SALL3: variants seen among roughly 807,000 people sequenced by gnomAD.
SALL3 encodes spalt like transcription factor 3.
A neutral mutation model predicts 66.2 loss-of-function variants in SALL3; 25 were observed. That is an observed-to-expected ratio of 0.38 (90% confidence interval 0.28 to 0.53). The LOEUF (loss-of-function observed/expected upper bound fraction) is 0.53. Ranked by LOEUF, SALL3 falls within the 20% of genes least tolerant of loss-of-function variation. SALL3 has a pLI of 0.85. For missense variants in SALL3, 2,194 were observed against 1,916.5 expected, an observed-to-expected ratio of 1.14 and a Z score of -2.70; for synonymous variants, 1,152 against 899.1, an observed-to-expected ratio of 1.28 and a Z score of -5.03.
At chr18:78,991,913 T>A in intron 1 of SALL3, 161 bp from the exon 2 acceptor site, 1 of 508,574 alleles carries the variant, frequency 2.0e-6, no homozygotes, top group Non-Finnish European at 3.3e-6. Context: ...AGAAAATGAT[T>A]AGCTAGCTAG....
intron 1 of SALL3, among the ~76,000 whole-genome samples, chr18:78,984,097 C>T (rs1168633076): frequency 1.3e-5 from 2 of 152,166 alleles, no homozygotes; most frequent in Non-Finnish European, 2.9e-5. Flanking sequence ...GGAGTAACAG[C>T]AGGAATTACT....
chr18:78,989,665 A>G (rs1035020743), intron 1 of SALL3, among the ~76,000 whole-genome samples: 18 of 152,238 alleles, frequency 1.2e-4, no homozygotes, highest in Non-Finnish European at 2.6e-4. Context: ...TGTGTAGCAT[A>G]TAAGTTATAC....
rs1914648463 is a variant in SALL3 at position 78,995,223 on chromosome 18, C to A, written c.3232C>A (p.Pro1078Thr). 1 of 1,605,988 alleles carries A rather than the reference C, an allele frequency of 6.2e-7. No individual in the cohort carries two copies. Among genetic ancestry groups the A allele is most frequent in the African/African-American group, 1.3e-5 (1 of 74,904 alleles). ...CAAGGCCATGGCGCTGGGCGAGGGT[C>A]CCCCGCTGCCCGCGGGCGTCCAGGT... ...HGKAMALGEGPPLPAGVQVPA... is the reference protein window; with the variant it reads ...HGKAMALGEGTPLPAGVQVPA... Residue 1078 changes from proline to threonine, a missense_variant, in exon 2 of 3, where the codon CCC becomes ACC. Pro to Thr is a conservative substitution (Grantham distance 38, BLOSUM62 -1). Transcript: ENST00000537592.
At position 78,994,667 on chromosome 18, in the gene SALL3, C is replaced by T; in HGVS notation, c.2676C>T (p.Gly892=). The change falls in exon 2 of 3, where the codon GGC becomes GGT. Residue 892 remains glycine, a synonymous_variant. Transcript: ENST00000537592. ...GCGACCTGGAGAGCCGCAGCGCGGG[C>T]AGCCCCGCCCTGTCCGAGTCCTCGT... ...AVGDLESRSA[G]SPALSESSSS... is the part of the protein sequence containing the mutation. 1.2e-6 allele frequency: 2 copies of T among 1,608,378 alleles called. No homozygotes were observed. The highest frequency in any genetic ancestry group is 1.7e-6 in the Non-Finnish European group (2 of 1,178,846).
chr18:78,993,496 C>T lies in SALL3; in HGVS notation c.1505C>T (p.Ser502Leu), dbSNP rs1467391382. The T allele has an allele frequency of 6.2e-7, 1 of 1,606,928 alleles. No homozygotes were observed. Among genetic ancestry groups the T allele is most frequent in the Middle Eastern group, 1.7e-4 (1 of 6,012 alleles). The change falls in exon 2 of 3, where the codon TCG (serine) becomes TTG (leucine). Residue 502 changes from serine (S) to leucine (L), a missense_variant. Coordinates refer to ENST00000537592, the MANE Select transcript of SALL3 (RefSeq NM_171999.4). ...TGCTCGGGCATCCCCTACGGCATGT[C>T]GCTGCCCCCCGAGAAGCCCGTGACC... Reference protein sequence around the residue: ...PTCSGIPYGMSLPPEKPVTTW... With the variant: ...PTCSGIPYGMLLPPEKPVTTW...
chr18:78,993,149 T>C lies in SALL3; in HGVS notation c.1158T>C (p.Ala386=). 1 of 1,606,524 alleles carries C rather than the reference T, an allele frequency of 6.2e-7. No individual in the cohort carries two copies. The highest frequency in any genetic ancestry group is 2.2e-5 in the East Asian group (1 of 44,562). Residue 386 remains alanine (A), a synonymous_variant, in exon 2 of 3, where the codon GCT becomes GCC. Transcript: ENST00000537592. The part of the protein sequence containing the change: ...PLVSIAATAN[A]LDPLSALMKH... The stretch of plus-strand genomic sequence containing the variant: ...TCAGCATCGCGGCCACGGCCAACGC[T>C]CTGGACCCGCTGTCCGCGCTCATGA...
rs142934608 is a variant in SALL3 at position 78,994,593 on chromosome 18, G to T, written c.2602G>T (p.Gly868Trp). 6.5e-5 allele frequency: 105 copies of T among 1,609,580 alleles called. No individual in the cohort carries two copies. The highest frequency in any genetic ancestry group is 8.0e-5 in the Non-Finnish European group (94 of 1,177,752). The part of the protein sequence containing the change: ...QLTGLKSVEN[G>W]SGESDRLSND... The stretch of plus-strand genomic sequence containing the variant: ...GACCGGCCTCAAGTCCGTGGAGAAC[G>T]GGTCCGGGGAGAGTGACCGCCTGAG... Residue 868 changes from glycine (G) to tryptophan (W), a missense_variant, in exon 2 of 3, where the codon GGG becomes TGG. By Grantham distance (184) the Gly-to-Trp change is radical. Transcript: ENST00000537592.
chr18:78,981,889 C>G (rs1377783576), intron 1 of SALL3, among the ~76,000 whole-genome samples: 5 of 152,156 alleles, frequency 3.3e-5, no homozygotes, highest in South Asian at 2.1e-4. Flanking sequence ...GAAAGACAGT[C>G]TTTCCTTCAA....
chr18:78,989,221 T>C (rs2146211841), intron 1 of SALL3, among the ~76,000 whole-genome samples: 1 of 152,226 alleles, frequency 6.6e-6, no homozygotes, highest in East Asian at 1.9e-4. Flanking sequence ...ATGGGAAAAG[T>C]GAAATCACAT....
intron 1 of SALL3, among the ~76,000 whole-genome samples, chr18:78,987,684 G>A (rs1365516502): frequency 6.6e-6 from 1 of 152,232 alleles, no homozygotes; most frequent in Non-Finnish European, 1.5e-5. Flanking sequence ...TTGTGGCAGA[G>A]CAGGTCCTGA....
Position 78,993,039 on chromosome 18 carries a change from T to C in SALL3, c.1048T>C (p.Ser350Pro). Residue 350 changes from serine to proline, a missense_variant, in exon 2 of 3, where the codon TCC becomes CCC. Physicochemically the swap from Ser to Pro is moderately conservative, Grantham distance 74. Coordinates refer to ENST00000537592, the MANE Select transcript of SALL3 (RefSeq NM_171999.4). The stretch of plus-strand genomic sequence containing the variant: ...CACGCCGCCTGCCCTGGCCCCGGGG[T>C]CCCTGCTGGGTGCGGCGCCCGGCCT... ...ASTPPALAPGSLLGAAPGLPS... is the reference protein window; with the variant it reads ...ASTPPALAPGPLLGAAPGLPS... 6.3e-7 allele frequency: 1 copy of C among 1,576,926 alleles called. No individual in the cohort carries two copies. Among genetic ancestry groups the C allele is most frequent in the Non-Finnish European group, 8.6e-7 (1 of 1,168,758 alleles).
chr18:78,983,001 A>G (rs1416617097), intron 1 of SALL3, among the ~76,000 whole-genome samples: 1 of 152,242 alleles, frequency 6.6e-6, no homozygotes, highest in Non-Finnish European at 1.5e-5. Flanking sequence ...TTTTGAAGCA[A>G]TGAAAAGATT....
At chr18:78,986,908 C>T (rs2146210182) in intron 1 of SALL3, among the ~76,000 whole-genome samples, 1 of 152,196 alleles carries the variant, frequency 6.6e-6, no homozygotes, top group South Asian at 2.1e-4. Context: ...CTTGAAATGC[C>T]AAGAACTGTA....
Position 78,993,419 on chromosome 18 carries a change from C to T in SALL3, c.1428C>T (p.His476=). ...HFQRHKEKYP[H]IQMNPYPVPE... ...AGAGGCACAAGGAGAAGTACCCCCA[C>T]ATCCAGATGAACCCTTACCCGGTCC... Residue 476 remains histidine (H), a synonymous_variant, in exon 2 of 3, where the codon CAC becomes CAT. Coordinates refer to ENST00000537592, the MANE Select transcript of SALL3 (RefSeq NM_171999.4). 2 of 1,613,020 alleles carry T rather than the reference C, an allele frequency of 1.2e-6. No homozygotes were observed. The highest frequency in any genetic ancestry group is 1.7e-6 in the Non-Finnish European group (2 of 1,179,972).
At chr18:78,980,382 C>CG (rs897530008) in intron 1 of SALL3, 26 bp downstream of exon 1, 8 of 1,368,790 alleles carry the variant, frequency 5.8e-6, no homozygotes, top group South Asian at 3.0e-5. Flanking sequence ...GCGGGGTGGC[C>CG]GGGGGGTCTG....
chr18:78,988,552 T>C (rs532742843), intron 1 of SALL3, among the ~76,000 whole-genome samples: 1 of 152,232 alleles, frequency 6.6e-6, no homozygotes, highest in African/African-American at 2.4e-5. Flanking sequence ...GTCAAGTGCT[T>C]ACTATTGTTT....
chr18:78,993,218 C>T lies in SALL3; in HGVS notation c.1227C>T (p.Pro409=). Residue 409 remains proline, a synonymous_variant, in exon 2 of 3, where the codon CCC becomes CCT. Coordinates refer to ENST00000537592, the MANE Select transcript of SALL3 (RefSeq NM_171999.4). ...GKPPNVSVFE[P]KASAEDPFFK... is the part of the protein sequence containing the mutation. ...CGCCCAATGTGTCGGTGTTCGAGCCCAAAGCCAGCGCCGAGGACCCGTTCT... is the reference window on the plus strand; with the variant it reads ...CGCCCAATGTGTCGGTGTTCGAGCCTAAAGCCAGCGCCGAGGACCCGTTCT... 9 of 1,611,380 alleles carry T rather than the reference C, an allele frequency of 5.6e-6. No individual in the cohort carries two copies. Among genetic ancestry groups the T allele is most frequent in the East Asian group, 2.2e-5 (1 of 44,820 alleles).
At chr18:78,980,381 C>A in intron 1 of SALL3, 25 bp downstream of exon 1, 2 of 1,371,720 alleles carry the variant, frequency 1.5e-6, no homozygotes, top group Non-Finnish European at 1.9e-6. Flanking sequence ...TGCGGGGTGG[C>A]CGGGGGGTCT....
In SALL3 at chr18:78,994,730, G is replaced by C. The variant is rs753501458; in HGVS notation, c.2739G>C (p.Glu913Asp). 2 of 1,603,296 alleles carry C rather than the reference G, an allele frequency of 1.2e-6. No individual in the cohort carries two copies. The highest frequency in any genetic ancestry group is 8.5e-7 in the Non-Finnish European group (1 of 1,179,220). The change falls in exon 2 of 3, where the codon GAG becomes GAC. Residue 913 changes from glutamate (E) to aspartate (D), a missense_variant. Coordinates refer to ENST00000537592, the MANE Select transcript of SALL3 (RefSeq NM_171999.4). ...QALSPAPSNG[E>D]SFRSKSPGLG... ...TGTCGCCGGCCCCCAGCAATGGTGA[G>C]AGCTTCCGCTCCAAGTCCCCGGGCC...
Sources: gnomAD v4.1 joint callset for allele counts (sites outside exome capture counted in the v4.1 genomes callset) on GRCh38, gnomAD v4.1.1 for gene constraint, MANE v1.5 for transcripts, NCBI Gene and HGNC (gene_info 2026-07-23, HGNC 2026-07-21) for gene names.